The following CYSLTR1 variants were observed in gnomAD, a reference collection of about 807,000 sequenced individuals.
CYSLTR1 encodes the protein G-protein coupled receptor HG55.
A neutral mutation model predicts 2.1 loss-of-function variants in CYSLTR1; 1 was observed. The observed-to-expected ratio is 0.48, with a 90% CI of 0.17 to 2.28. CYSLTR1 has a LOEUF of 2.28. Among genes scored for constraint, CYSLTR1 ranks in the 30% most tolerant of loss-of-function variants. The pLI, the probability that CYSLTR1 is intolerant of heterozygous loss-of-function variation, is 0.26. For synonymous variants in CYSLTR1, 110 were observed against 89.6 expected (o/e 1.23, Z -1.28); for missense variants, 299 against 250.1 (o/e 1.20, Z -1.32).
chrX:78,308,601 C>A (rs1454371179), intron 1 of CYSLTR1, among the ~76,000 whole-genome samples: 1 of 111,813 alleles, frequency 8.9e-6, no homozygotes. Context: ...AGCCCACCAG[C>A]CTGATTTGAA....
intron 1 of CYSLTR1, among the ~76,000 whole-genome samples, chrX:78,324,158 C>T (rs936910484): frequency 9.0e-6 from 1 of 111,553 alleles, no homozygotes; most frequent in Admixed American, 9.4e-5. Context: ...TCTACTAATC[C>T]ATAAAGAAAT....
chrX:78,301,813 T>A (rs1281399738), intron 1 of CYSLTR1, among the ~76,000 whole-genome samples: 2 of 111,996 alleles, frequency 1.8e-5, no homozygotes, highest in Admixed American at 9.4e-5. Context: ...TTCATGCTGC[T>A]GATAAAGGCA....
chrX:78,281,416 G>A (rs766932419), intron 2 of CYSLTR1, among the ~76,000 whole-genome samples: 172 of 110,297 alleles, frequency 1.6e-3, no homozygotes, highest in Middle Eastern at 4.7e-3. Context: ...AGTTACAGGC[G>A]TGTGCCATCA....
At chrX:78,317,084 A>T (rs1923446453) in intron 1 of CYSLTR1, among the ~76,000 whole-genome samples, 1 of 112,494 alleles carries the variant, frequency 8.9e-6, no homozygotes, top group South Asian at 3.6e-4. Flanking sequence ...CAAACTATGC[A>T]TCTGACAAAC....
rs781461267 is a variant in CYSLTR1, at chrX:78,292,798, G to GTT, written c.-114-9260_-114-9259dup. 9.0e-3 allele frequency among the ~76,000 whole-genome samples: 821 copies of GTT among 91,575 alleles called. 8 individuals are homozygous for GTT. The highest frequency in any genetic ancestry group is 0.031 in the African/African-American group (778 of 25,340). 79.5% of individuals were successfully genotyped at this position (91,575 alleles called of 115,157 possible). ...AGAAACTAGGATTGCAACCCCTGCT[G>GTT]TTTTTTTTTTTTTTGCTTTCCCTTT... is the stretch of plus-strand genomic sequence containing the variant. On this transcript the variant is annotated intron_variant, in intron 1 of 2. Coordinates refer to ENST00000373304, the MANE Select transcript of CYSLTR1 (RefSeq NM_006639.4).
chrX:78,298,772 T>C (rs1191307690), intron 1 of CYSLTR1, among the ~76,000 whole-genome samples: 1 of 111,510 alleles, frequency 9.0e-6, no homozygotes, highest in Non-Finnish European at 1.9e-5. Flanking sequence ...CCTTTATAAG[T>C]GAAGTGTATT....
In CYSLTR1 at chrX:78,273,497, C is replaced by A. The variant is rs1327094577; in HGVS notation, c.250G>T (p.Val84Phe). The change falls in exon 3 of 3, where the codon GTT (valine) becomes TTT (phenylalanine). Residue 84 changes from valine to phenylalanine, a missense_variant. Coordinates refer to ENST00000373304, the MANE Select transcript of CYSLTR1 (RefSeq NM_006639.4). ...CTLPLRVVYYVHKGIWLFGDF... is the reference protein window; with the variant it reads ...CTLPLRVVYYFHKGIWLFGDF... ...CCAAAGAGCCAAATGCCTTTGTGAA[C>A]ATAATAGACCACACGGAGAGGCAGT... is the stretch of plus-strand genomic sequence containing the variant. 2.5e-6 allele frequency: 3 copies of A among 1,211,632 alleles called. No individual in the cohort carries two copies. Among genetic ancestry groups the A allele is most frequent in the Non-Finnish European group, 3.4e-6 (3 of 895,488 alleles).
intron 1 of CYSLTR1, among the ~76,000 whole-genome samples, chrX:78,293,530 G>T (rs1469497320): frequency 1.8e-5 from 2 of 111,636 alleles, no homozygotes; most frequent in Non-Finnish European, 3.8e-5. Flanking sequence ...GGCCTGCCTT[G>T]CTAGGTTGGG....
At chrX:78,323,659 C>G (rs1427876768) in intron 1 of CYSLTR1, among the ~76,000 whole-genome samples, 1 of 111,877 alleles carries the variant, frequency 8.9e-6, no homozygotes, top group Non-Finnish European at 1.9e-5. Flanking sequence ...CTTTAGACAT[C>G]TTGAAATGCT....
intron 1 of CYSLTR1, among the ~76,000 whole-genome samples, chrX:78,324,842 C>T (rs755688673): frequency 4.5e-5 from 5 of 111,174 alleles, no homozygotes; most frequent in South Asian, 3.7e-4. Flanking sequence ...TGGCCTGAAA[C>T]GCAAATAACA....
rs1166340427 is a variant in CYSLTR1, at chrX:78,273,821, C to G, written c.-27-48G>C. The stretch of plus-strand genomic sequence containing the variant: ...TCAATTTTAACTAGACCATAAATTA[C>G]AGGAAGTACTAATGTTTTATTTCAT... On this transcript the variant is annotated intron_variant, in intron 2 of 2. Transcript: ENST00000373304. The G allele has an allele frequency of 3.0e-6, 3 of 1,015,990 alleles. No individual in the cohort carries two copies. In the East Asian group the frequency reaches 9.3e-5, roughly 31 times the overall value. The allele number at this position is 1,015,990 out of a possible 1,213,427, so 83.7% of individuals were successfully genotyped here. A position where few individuals can be genotyped will look rare whatever the true frequency, so the allele number is the denominator to read the frequency against.
chrX:78,285,611 GCTTAATGCA>G (rs1176698097), intron 1 of CYSLTR1, among the ~76,000 whole-genome samples: 1 of 111,655 alleles, frequency 9.0e-6, no homozygotes. Context: ...AATATTACCA[GCTTAATGCA>G]CTATCTAGTT....
At chrX:78,316,410 T>G (rs1234225941) in intron 1 of CYSLTR1, among the ~76,000 whole-genome samples, 1 of 112,459 alleles carries the variant, frequency 8.9e-6, no homozygotes, top group Non-Finnish European at 1.9e-5. Context: ...GCTGACACTG[T>G]GGGCAGATAG....
At chrX:78,317,178 T>G (rs997581594) in intron 1 of CYSLTR1, among the ~76,000 whole-genome samples, 1 of 112,341 alleles carries the variant, frequency 8.9e-6, no homozygotes, top group Admixed American at 9.4e-5. Flanking sequence ...AAAAGGGACA[T>G]GTATAGACAA....
At chrX:78,277,343 C>T (rs1445341556) in intron 2 of CYSLTR1, among the ~76,000 whole-genome samples, 2 of 111,517 alleles carry the variant, frequency 1.8e-5, no homozygotes, top group African/African-American at 6.5e-5. Flanking sequence ...TGCTAGCAGC[C>T]ACCACCATAG....
At position 78,320,601 on chromosome X, in the gene CYSLTR1, T is replaced by G. The variant is rs1309031022; in HGVS notation, c.-115+6704A>C. ...ATTGACTTGGCAATGCGGGCTCTTTTTTGGTTCCATATGAACTTTAAAGTA... is the reference window on the plus strand; with the variant it reads ...ATTGACTTGGCAATGCGGGCTCTTTGTTGGTTCCATATGAACTTTAAAGTA... On this transcript the variant is annotated intron_variant, in intron 1 of 2. Coordinates refer to ENST00000373304, the MANE Select transcript of CYSLTR1 (RefSeq NM_006639.4). The G allele has an allele frequency of 2.1e-4, 24 of 111,761 alleles. No individual in the cohort carries two copies. In the Admixed American group the frequency reaches 2.3e-3, roughly 11 times the overall value. 9.2% of individuals were successfully genotyped at this position (111,761 alleles called of 1,213,427 possible). A position where few individuals can be genotyped will look rare whatever the true frequency, so the allele number is the denominator to read the frequency against.
intron 1 of CYSLTR1, among the ~76,000 whole-genome samples, chrX:78,290,149 G>A (rs1302544219): frequency 3.6e-5 from 4 of 111,935 alleles, no homozygotes; most frequent in Non-Finnish European, 5.6e-5. Context: ...TAAGGTATAA[G>A]GAAGGGATCC....
chrX:78,277,002 C>T (rs1420988638), intron 2 of CYSLTR1, among the ~76,000 whole-genome samples: 1 of 111,065 alleles, frequency 9.0e-6, no homozygotes, highest in Non-Finnish European at 1.9e-5. Context: ...TGCAGGAGAC[C>T]TCATGATCTC....
At chrX:78,282,742 TA>T (rs1921892001) in intron 2 of CYSLTR1, among the ~76,000 whole-genome samples, 1 of 111,394 alleles carries the variant, frequency 9.0e-6, no homozygotes, top group South Asian at 3.7e-4. Flanking sequence ...ATCTAAAAAA[TA>T]AAAAATCCCA....
Sources: gnomAD v4.1 joint callset for allele counts (sites outside exome capture counted in the v4.1 genomes callset) on GRCh38, gnomAD v4.1.1 for gene constraint, MANE v1.5 for transcripts, NCBI Gene and HGNC (gene_info 2026-07-23, HGNC 2026-07-21) for gene names.